The following KIAA1958 variants were observed in gnomAD, a reference collection of about 807,000 sequenced individuals.
KIAA1958 encodes the protein KIAA1958, also known as uncharacterized protein KIAA1958.
KIAA1958 carries 14 observed loss-of-function variants against 47.2 expected under a neutral mutation model. That is an observed-to-expected ratio of 0.30 (90% confidence interval 0.20 to 0.46). The LOEUF (loss-of-function observed/expected upper bound fraction) is 0.46, where lower values mean the gene tolerates loss of function less well. Among genes scored for constraint, KIAA1958 ranks in the 20% least tolerant of loss-of-function variants. KIAA1958 has a pLI of 1.00. For missense variants in KIAA1958, 803 were observed against 909.2 expected (o/e 0.88, Z 1.50); for synonymous variants, 354 against 353.3 (o/e 1.00, Z -0.02).
chr9:112,558,089 G>C (rs1001037164), intron 1 of KIAA1958, among the ~76,000 whole-genome samples: 7 of 152,032 alleles, frequency 4.6e-5, no homozygotes, highest in Non-Finnish European at 1.0e-4. Context: ...GCCGGGCATC[G>C]TGGTGCGCGC....
chr9:112,558,993 A>T (rs1481915122), intron 1 of KIAA1958, among the ~76,000 whole-genome samples: 2 of 152,228 alleles, frequency 1.3e-5, no homozygotes, highest in African/African-American at 4.8e-5. Flanking sequence ...GCACAAAGAA[A>T]ATACATGCCT....
At chr9:112,559,897 C>T (rs1214018469) in intron 1 of KIAA1958, among the ~76,000 whole-genome samples, 1 of 152,124 alleles carries the variant, frequency 6.6e-6, no homozygotes, top group Admixed American at 6.6e-5. Flanking sequence ...CTAGTCATCA[C>T]ATGGGGAACA....
At chr9:112,571,972 T>C (rs1213532393) in intron 1 of KIAA1958, among the ~76,000 whole-genome samples, 1 of 150,032 alleles carries the variant, frequency 6.7e-6, no homozygotes, top group African/African-American at 2.5e-5. Flanking sequence ...ATTTCTAGAG[T>C]ATGAAGGAAA....
At chr9:112,601,365 A>C (rs1176284709) in intron 2 of KIAA1958, among the ~76,000 whole-genome samples, 6 of 152,220 alleles carry the variant, frequency 3.9e-5, no homozygotes, top group African/African-American at 1.4e-4. Flanking sequence ...TTCAGACCAG[A>C]AAATCTGCTA....
chr9:112,636,621 C>T (rs1339972998), intron 2 of KIAA1958, among the ~76,000 whole-genome samples: 3 of 151,998 alleles, frequency 2.0e-5, no homozygotes, highest in Non-Finnish European at 4.4e-5. Flanking sequence ...TTAAAACCTC[C>T]CTCTTTATTT....
intron 1 of KIAA1958, among the ~76,000 whole-genome samples, chr9:112,489,323 C>T (rs192641455): frequency 1.3e-5 from 2 of 152,296 alleles, no homozygotes; most frequent in African/African-American, 4.8e-5. Flanking sequence ...TAAGATTTAA[C>T]AAAGAGTCAC....
chr9:112,565,730 T>C (rs1041422190), intron 1 of KIAA1958, among the ~76,000 whole-genome samples: 3 of 152,240 alleles, frequency 2.0e-5, no homozygotes, highest in Non-Finnish European at 4.4e-5. Flanking sequence ...TATCAGCTAA[T>C]TATTCTCTCA....
intron 2 of KIAA1958, among the ~76,000 whole-genome samples, chr9:112,609,105 G>A (rs1302916748): frequency 6.6e-6 from 1 of 152,164 alleles, no homozygotes; most frequent in Non-Finnish European, 1.5e-5. Flanking sequence ...CAAGAGCCCT[G>A]ATGCAACAAT....
chr9:112,622,241 C>T (rs1029529481), intron 2 of KIAA1958, among the ~76,000 whole-genome samples: 6 of 152,200 alleles, frequency 3.9e-5, no homozygotes, highest in East Asian at 3.8e-4. Context: ...CAACTGAATG[C>T]GCTGCCTTTT....
At position 112,559,704 on chromosome 9, in the gene KIAA1958, A is replaced by G. The variant is rs185099291; in HGVS notation, c.-24-14353A>G. The stretch of plus-strand genomic sequence containing the variant: ...CTGTTACTCTGTTAAGCCTTGGACA[A>G]TTCCATCAGGAGAATGAGGCTATGT... On this transcript the variant is annotated intron_variant, in intron 1 of 3. Transcript: ENST00000337530. Among the ~76,000 whole-genome samples the G allele has an allele frequency of 4.6e-5, 7 of 152,344 alleles. No homozygotes were observed. In the South Asian group the frequency reaches 6.2e-4, roughly 14 times the overall value.
At chr9:112,619,196 T>C (rs1310099399) in intron 2 of KIAA1958, 2 of 168,682 alleles carry the variant, frequency 1.2e-5, no homozygotes, top group African/African-American at 4.8e-5. Flanking sequence ...CAACACAAAG[T>C]AGAGAGGGAA....
chr9:112,638,778 G>A (rs1244096121), intron 2 of KIAA1958, among the ~76,000 whole-genome samples: 1 of 151,966 alleles, frequency 6.6e-6, no homozygotes, highest in African/African-American at 2.4e-5. Context: ...GCTATTTTCT[G>A]TATATTCTTT....
At chr9:112,529,957 CCTCAGCCTCCTGA>C (rs1337124876) in intron 1 of KIAA1958, among the ~76,000 whole-genome samples, 1 of 152,276 alleles carries the variant, frequency 6.6e-6, no homozygotes, top group East Asian at 1.9e-4. Flanking sequence ...CATTCTCCTG[CCTCAGCCTCCTGA>C]GTAGCTGGGA....
rs1385943276 is a variant in KIAA1958, at chr9:112,664,166, C to T, written c.*4097C>T. 2 of 152,218 alleles carry T rather than the reference C, an allele frequency of 1.3e-5. No individual in the cohort carries two copies. Among genetic ancestry groups the T allele is most frequent in the Admixed American group, 6.5e-5 (1 of 15,286 alleles). 9.4% of individuals were successfully genotyped at this position (152,218 alleles called of 1,614,324 possible). A position where few individuals can be genotyped will look rare whatever the true frequency, so the allele number is the denominator to read the frequency against. On this transcript the variant is annotated 3_prime_UTR_variant, in exon 4 of 4. Coordinates refer to ENST00000337530, the MANE Select transcript of KIAA1958 (RefSeq NM_133465.4). ...CCTAATTCCTGAAGATAGTTAGTCT[C>T]CTAATTAAGTGCTTCTCACTATATT...
intron 2 of KIAA1958, among the ~76,000 whole-genome samples, chr9:112,634,918 T>G (rs1836777437): frequency 6.6e-6 from 1 of 152,208 alleles, no homozygotes; most frequent in South Asian, 2.1e-4. Context: ...CTTCCTTTAT[T>G]GTTTTATCAG....
chr9:112,521,904 T>G (rs975813357), intron 1 of KIAA1958, among the ~76,000 whole-genome samples: 1 of 152,138 alleles, frequency 6.6e-6, no homozygotes, highest in Non-Finnish European at 1.5e-5. Flanking sequence ...AATGTCTTTA[T>G]TTTTCTCCAC....
chr9:112,654,788 C>G (rs949979487), intron 3 of KIAA1958, among the ~76,000 whole-genome samples: 3 of 151,974 alleles, frequency 2.0e-5, no homozygotes, highest in Admixed American at 6.6e-5. Context: ...TATAAGAAAG[C>G]TGTTTTTCTT....
chr9:112,568,076 G>T (rs1043369847), intron 1 of KIAA1958, among the ~76,000 whole-genome samples: 5 of 150,274 alleles, frequency 3.3e-5, no homozygotes, highest in African/African-American at 7.4e-5. Context: ...TAAAAACACA[G>T]CAGAACACTT....
chr9:112,493,853 G>T (rs1834011152), intron 1 of KIAA1958, among the ~76,000 whole-genome samples: 1 of 151,956 alleles, frequency 6.6e-6, no homozygotes, highest in Non-Finnish European at 1.5e-5. Context: ...TTACTCTCTT[G>T]CAGGAGTTGG....
Sources: gnomAD v4.1 joint callset for allele counts (sites outside exome capture counted in the v4.1 genomes callset) on GRCh38, gnomAD v4.1.1 for gene constraint, MANE v1.5 for transcripts, NCBI Gene and HGNC (gene_info 2026-07-23, HGNC 2026-07-21) for gene names.